Variants in ARHGAP21 observed in about 807,000 individuals in gnomAD.
ARHGAP21 encodes the protein Rho GTPase activating protein 21, also known as rho GTPase-activating protein 21.
A neutral mutation model predicts 164.6 loss-of-function variants in ARHGAP21; 38 were observed. The ratio of observed to expected loss-of-function variants is 0.23; its 90% CI spans 0.18 to 0.30. The LOEUF is 0.30. Among genes scored for constraint, ARHGAP21 ranks in the 10% least tolerant of loss-of-function variants. The pLI is 1.00. For missense variants in ARHGAP21, 1,822 were observed against 2,370.7 expected (o/e 0.77, Z 4.81); for synonymous variants, 766 against 857.9 (o/e 0.89, Z 1.87).
chr10:24,602,149 T>TATAA (rs1346651487), intron 12 of ARHGAP21, 46 bp from the exon 13 acceptor site: 8 of 1,569,690 alleles, frequency 5.1e-6, no homozygotes, highest in Non-Finnish European at 6.9e-6. Context: ...CATTTTCCTT[T>TATAA]ATAAATATTT....
At chr10:24,712,485 T>G (rs528219557) in intron 2 of ARHGAP21, among the ~76,000 whole-genome samples, 1 of 152,222 alleles carries the variant, frequency 6.6e-6, no homozygotes, top group South Asian at 2.1e-4. Context: ...CTAACACACC[T>G]CCTGCAGTAA....
intron 2 of ARHGAP21, among the ~76,000 whole-genome samples, chr10:24,675,808 CA>C (rs1307875185): frequency 6.6e-6 from 1 of 152,070 alleles, no homozygotes; most frequent in African/African-American, 2.4e-5. Flanking sequence ...ATATGATATA[CA>C]AAAAGATATA....
At chr10:24,591,731 A>G in intron 22 of ARHGAP21, 48 bp from the exon 23 acceptor site, 1 of 1,607,710 alleles carries the variant, frequency 6.2e-7, no homozygotes, top group Non-Finnish European at 8.5e-7. Flanking sequence ...GCCTTTAAAT[A>G]TACTGAGATC....
At chr10:24,720,450 T>C (rs1437784079) in intron 2 of ARHGAP21, among the ~76,000 whole-genome samples, 2 of 152,212 alleles carry the variant, frequency 1.3e-5, no homozygotes, top group Non-Finnish European at 2.9e-5. Context: ...TGGTTTACCG[T>C]GATCAGAGGA....
At chr10:24,645,465 T>C (rs2131484265) in intron 4 of ARHGAP21, among the ~76,000 whole-genome samples, 1 of 151,948 alleles carries the variant, frequency 6.6e-6, no homozygotes, top group Admixed American at 6.6e-5. Context: ...GCGCCTGTAG[T>C]CCCAGCTACT....
chr10:24,622,087 A>G (rs1834596589), intron 8 of ARHGAP21, among the ~76,000 whole-genome samples: 1 of 152,270 alleles, frequency 6.6e-6, no homozygotes, highest in Middle Eastern at 3.4e-3. Context: ...GGTCTCCTTT[A>G]CTTATTATAA....
intron 4 of ARHGAP21, 61 bp downstream of exon 4, chr10:24,666,924 A>G: frequency 8.2e-7 from 1 of 1,224,612 alleles, no homozygotes; most frequent in Admixed American, 2.4e-5. Flanking sequence ...GTATCACTTA[A>G]AGAACAGAAA....
At chr10:24,615,931 C>T (rs1833902911) in intron 9 of ARHGAP21, among the ~76,000 whole-genome samples, 1 of 152,076 alleles carries the variant, frequency 6.6e-6, no homozygotes, top group Admixed American at 6.5e-5. Context: ...CCCCACCACG[C>T]CCAGCTAATA....
chr10:24,597,601 A>G lies in ARHGAP21; in HGVS notation c.3198-18T>C, dbSNP rs777719973. 3.7e-6 allele frequency: 6 copies of G among 1,613,256 alleles called. No homozygotes were observed. The highest frequency in any genetic ancestry group is 5.1e-6 in the Non-Finnish European group (6 of 1,179,700). The stretch of plus-strand genomic sequence containing the variant: ...CTGCTTTGCTGTTGAAGGAAATGAC[A>G]TTTGTTAACAATTACAGTAATCCCC... On this transcript the variant is annotated intron_variant, in intron 15 of 25. Coordinates refer to ENST00000396432, the MANE Select transcript of ARHGAP21 (RefSeq NM_020824.4).
chr10:24,701,450 A>AT (rs1213926808), intron 2 of ARHGAP21, among the ~76,000 whole-genome samples: 5 of 152,300 alleles, frequency 3.3e-5, no homozygotes, highest in African/African-American at 1.2e-4. Context: ...TAATGGCATG[A>AT]TTGTTTTTCC....
chr10:24,617,712 C>A (rs1834103334), intron 9 of ARHGAP21, among the ~76,000 whole-genome samples: 1 of 112,236 alleles, frequency 8.9e-6, no homozygotes, highest in Non-Finnish European at 2.3e-5. Flanking sequence ...CTATCAATAG[C>A]TTTACAATTG....
chr10:24,619,829 G>A lies in ARHGAP21; in HGVS notation c.2066C>T (p.Ser689Phe), dbSNP rs774271258. Residue 689 changes from serine (S) to phenylalanine (F), a missense_variant, in exon 9 of 26, where the codon TCT becomes TTT. Physicochemically the swap from Ser to Phe is radical, Grantham distance 155. This residue lies in a region of ARHGAP21 where 1,090 missense variants were observed against 1,378.9 expected (regional missense o/e 0.79). Coordinates refer to ENST00000396432, the MANE Select transcript of ARHGAP21 (RefSeq NM_020824.4). ...ACTCGACTGAGGGGCAGGCTTGGCA[G>A]AGGCTCCAGATAAAGAGGGGGATTT... Reference protein sequence around the residue: ...TGKSPSLSGASAKPAPQSSEN... With the variant: ...TGKSPSLSGAFAKPAPQSSEN... 2.5e-6 allele frequency: 4 copies of A among 1,614,182 alleles called. No individual in the cohort carries two copies. In the South Asian group the frequency reaches 3.3e-5, roughly 13 times the overall value.
At chr10:24,667,214 TAGG>T (rs1267780031) in intron 3 of ARHGAP21, among the ~76,000 whole-genome samples, 6 of 152,158 alleles carry the variant, frequency 3.9e-5, no homozygotes, top group Non-Finnish European at 8.8e-5. Flanking sequence ...AATAACAGTA[TAGG>T]AAGTACCTTT....
intron 24 of ARHGAP21, 134 bp downstream of exon 24, chr10:24,591,088 TAAG>T (rs979753627): frequency 2.0e-6 from 2 of 987,388 alleles, no homozygotes; most frequent in African/African-American, 3.3e-5. Flanking sequence ...AAAGGAAGAT[TAAG>T]GTTTTTTATT....
chr10:24,671,831 T>A (rs1182247164), intron 2 of ARHGAP21, among the ~76,000 whole-genome samples: 1 of 151,386 alleles, frequency 6.6e-6, no homozygotes, highest in African/African-American at 2.4e-5. Context: ...CAGGAGATAT[T>A]CCCACCTCAC....
At chr10:24,675,822 T>C (rs1335685052) in intron 2 of ARHGAP21, among the ~76,000 whole-genome samples, 1 of 152,176 alleles carries the variant, frequency 6.6e-6, no homozygotes, top group Non-Finnish European at 1.5e-5. Flanking sequence ...AAGATATATA[T>C]GTGCGCATCT....
At chr10:24,721,813 C>T (rs1845971502) in intron 2 of ARHGAP21, 24 bp downstream of exon 2, 1 of 1,613,730 alleles carries the variant, frequency 6.2e-7, no homozygotes, top group Non-Finnish European at 8.5e-7. Context: ...CCCTGCCGGC[C>T]AGGAACGCTG....
Position 24,584,449 on chromosome 10 carries a change from G to T in ARHGAP21, c.5840C>A (p.Thr1947Asn), listed in dbSNP as rs1449431087. The T allele has an allele frequency of 1.2e-6, 2 of 1,613,296 alleles. No individual in the cohort carries two copies. The highest frequency in any genetic ancestry group is 1.7e-6 in the Non-Finnish European group (2 of 1,179,536). The change falls in exon 26 of 26, where the codon ACC (threonine) becomes AAC (asparagine). Residue 1947 changes from threonine (T) to asparagine (N), a missense_variant. Physicochemically the swap from Thr to Asn is moderately conservative, Grantham distance 65 (BLOSUM62 0). Coordinates refer to ENST00000396432, the MANE Select transcript of ARHGAP21 (RefSeq NM_020824.4). Reference sequence around the variant, plus strand: ...ATGAAACTCTGCTTTACTGCCTGGGGTTTCAGACAGTTTATGAGGTTGGGC... The same window carrying T: ...ATGAAACTCTGCTTTACTGCCTGGGTTTTCAGACAGTTTATGAGGTTGGGC... The part of the protein sequence containing the change: ...ANAQPHKLSE[T>N]PGSKAEFHPC...
At chr10:24,607,651 A>G (rs775979509) in intron 10 of ARHGAP21, 50 bp from the exon 11 acceptor site, 9 of 1,610,502 alleles carry the variant, frequency 5.6e-6, no homozygotes, top group South Asian at 4.4e-5. Flanking sequence ...TGGTTCCCAG[A>G]TTCTTTTAAC....
Sources: gnomAD v4.1 joint callset for allele counts (sites outside exome capture counted in the v4.1 genomes callset) on GRCh38, gnomAD v4.1.1 for gene constraint, gnomAD v4.1.1 regional missense constraint, MANE v1.5 for transcripts, NCBI Gene and HGNC (gene_info 2026-07-23, HGNC 2026-07-21) for gene names.